ZC3H12B: variants seen among roughly 807,000 people sequenced by gnomAD.
The protein encoded by ZC3H12B is zinc finger CCCH-type containing 12B.
In ZC3H12B, 7 loss-of-function variants were observed where a neutral mutation model predicts 43.9. That is an observed-to-expected ratio of 0.16 (90% confidence interval 0.09 to 0.30). The LOEUF (loss-of-function observed/expected upper bound fraction) is 0.30. ZC3H12B is among the 10% of genes least tolerant of loss of function. The probability of loss-of-function intolerance (pLI) is 1.00; values close to 1 mark genes in which losing one functional copy is unlikely to be tolerated. For synonymous variants in ZC3H12B, 222 were observed against 241.7 expected (o/e 0.92, Z 0.76); for missense variants, 475 against 670.2 (o/e 0.71, Z 3.22).
At chrX:65,419,173 G>T (rs944624319) in intron 3 of ZC3H12B, among the ~76,000 whole-genome samples, 1 of 111,833 alleles carries the variant, frequency 8.9e-6, no homozygotes, top group Non-Finnish European at 1.9e-5. Flanking sequence ...ATACTCAGCA[G>T]CTGGTAGAAT....
chrX:65,133,285 TA>T, the ZC3H12B span, among the ~76,000 whole-genome samples: 20 of 111,066 alleles, frequency 1.8e-4, no homozygotes, highest in Admixed American at 6.7e-4. Flanking sequence ...TGAGGCTAAT[TA>T]AGTCCTGTTG....
At chrX:65,212,569 A>T in the ZC3H12B span, among the ~76,000 whole-genome samples, 3 of 78,588 alleles carry the variant, frequency 3.8e-5, no homozygotes, top group African/African-American at 1.0e-4. Flanking sequence ...TATGTTATAT[A>T]TAATTATACA....
At chrX:65,203,092 G>T in the ZC3H12B span, among the ~76,000 whole-genome samples, 1 of 111,977 alleles carries the variant, frequency 8.9e-6, no homozygotes, top group African/African-American at 3.2e-5. Context: ...TCTTCAGTCA[G>T]CTTTTGTTGA....
chrX:65,313,802 C>G, the ZC3H12B span, among the ~76,000 whole-genome samples: 2 of 111,641 alleles, frequency 1.8e-5, no homozygotes, highest in Non-Finnish European at 3.8e-5. Context: ...TAAAATTTGA[C>G]AGATTCTCAA....
At chrX:65,061,863 C>G in the ZC3H12B span, among the ~76,000 whole-genome samples, 1 of 112,568 alleles carries the variant, frequency 8.9e-6, no homozygotes, top group Non-Finnish European at 1.9e-5. Context: ...GCCATTCTAA[C>G]TGGCATGAGA....
At chrX:65,240,420 G>A in the ZC3H12B span, among the ~76,000 whole-genome samples, 1 of 111,928 alleles carries the variant, frequency 8.9e-6, no homozygotes, top group Non-Finnish European at 1.9e-5. Flanking sequence ...GCTCCATCAG[G>A]TCTTTTATAT....
the ZC3H12B span, among the ~76,000 whole-genome samples, chrX:65,338,111 C>G: frequency 9.0e-6 from 1 of 111,720 alleles, no homozygotes; most frequent in Non-Finnish European, 1.9e-5. Flanking sequence ...TATTGTTGCT[C>G]TAATAGAGTC....
At chrX:65,088,081 GCCTCCAGATATATCGTT>G in the ZC3H12B span, among the ~76,000 whole-genome samples, 3 of 111,808 alleles carry the variant, frequency 2.7e-5, no homozygotes, top group African/African-American at 9.8e-5. Flanking sequence ...ACAGTCTGTA[GCCTCCAGATATATCGTT>G]GGGATGGTGA....
the ZC3H12B span, among the ~76,000 whole-genome samples, chrX:65,182,928 C>A: frequency 8.9e-6 from 1 of 111,775 alleles, no homozygotes; most frequent in Non-Finnish European, 1.9e-5. Flanking sequence ...TGAACAGTTG[C>A]TGGCTAGGTT....
chrX:65,432,671 A>G (rs1343084347), intron 3 of ZC3H12B, among the ~76,000 whole-genome samples: 1 of 112,018 alleles, frequency 8.9e-6, no homozygotes, highest in African/African-American at 3.2e-5. Context: ...CCCCCTAGAC[A>G]TTATGCTTCT....
the ZC3H12B span, among the ~76,000 whole-genome samples, chrX:65,135,167 A>T: frequency 9.0e-6 from 1 of 111,425 alleles, no homozygotes; most frequent in Admixed American, 9.5e-5. Flanking sequence ...TTCCTAGTGA[A>T]GTGTATAAAG....
the ZC3H12B span, among the ~76,000 whole-genome samples, chrX:65,206,595 G>A: frequency 6.7e-4 from 74 of 111,029 alleles, 1 homozygote; most frequent in Non-Finnish European, 1.2e-3. Flanking sequence ...TCTGGACATT[G>A]GCTTAGGCAA....
At chrX:65,450,407 A>G (rs1221779904) in intron 3 of ZC3H12B, among the ~76,000 whole-genome samples, 2 of 76,675 alleles carry the variant, frequency 2.6e-5, no homozygotes, top group South Asian at 6.9e-4. Flanking sequence ...ATGTATATAT[A>G]TGTGTGTATA....
At chrX:65,284,144 C>T in the ZC3H12B span, among the ~76,000 whole-genome samples, 29 of 107,594 alleles carry the variant, frequency 2.7e-4, no homozygotes, top group Non-Finnish European at 5.2e-4. Context: ...CAGCCATTAC[C>T]ATAGATTCAT....
the ZC3H12B span, among the ~76,000 whole-genome samples, chrX:65,274,559 G>C: frequency 1.8e-5 from 2 of 109,459 alleles, no homozygotes; most frequent in African/African-American, 3.3e-5. Context: ...AAGAGCTGCA[G>C]TCCCACACAT....
chrX:65,441,822 GGACA>G (rs1266984044), intron 3 of ZC3H12B, among the ~76,000 whole-genome samples: 1 of 110,840 alleles, frequency 9.0e-6, no homozygotes, highest in Non-Finnish European at 1.9e-5. Context: ...CTGTGGCGGA[GGACA>G]GACATTGTAC....
chrX:65,409,082 A>T (rs777925098), intron 3 of ZC3H12B, among the ~76,000 whole-genome samples: 1 of 111,645 alleles, frequency 9.0e-6, no homozygotes, highest in South Asian at 3.7e-4. Context: ...ATAGGCTTTA[A>T]TTCTAGTATG....
At chrX:65,053,044 C>A in the ZC3H12B span, among the ~76,000 whole-genome samples, 1 of 111,103 alleles carries the variant, frequency 9.0e-6, no homozygotes, top group African/African-American at 3.3e-5. Flanking sequence ...CATTGAGATC[C>A]TTTTCACCAT....
the ZC3H12B span, among the ~76,000 whole-genome samples, chrX:65,093,220 A>G: frequency 2.7e-5 from 3 of 111,806 alleles, no homozygotes; most frequent in Non-Finnish European, 5.7e-5. Context: ...CAGAAGATGT[A>G]TGGAAAAGCT....
Sources: gnomAD v4.1 joint callset for allele counts (sites outside exome capture counted in the v4.1 genomes callset) on GRCh38, gnomAD v4.1.1 for gene constraint, MANE v1.5 for transcripts, NCBI Gene and HGNC (gene_info 2026-07-23, HGNC 2026-07-21) for gene names.